The following SATB2 variants were observed in gnomAD, a reference collection of about 807,000 sequenced individuals.
The protein encoded by SATB2 is SATB homeobox 2.
A neutral mutation model predicts 73.4 loss-of-function variants in SATB2; 1 was observed. The observed-to-expected ratio is 0.01, with a 90% confidence interval of 0.00 to 0.06. The LOEUF (loss-of-function observed/expected upper bound fraction) is 0.06, where lower values mean the gene tolerates loss of function less well. Ranked by LOEUF, SATB2 falls within the 10% of genes least tolerant of loss-of-function variation. SATB2 has a pLI of 1.00. For missense variants in SATB2, 459 were observed against 945.8 expected (o/e 0.49, Z 6.75); for synonymous variants, 397 against 367.0 (o/e 1.08, Z -0.93).
intron 7 of SATB2, among the ~76,000 whole-genome samples, chr2:199,330,526 T>C (rs1688159543): frequency 6.6e-6 from 1 of 152,174 alleles, no homozygotes; most frequent in South Asian, 2.1e-4. Context: ...GATGTGTATG[T>C]AAAAATAACC....
At chr2:199,352,357 C>G (rs983224069) in intron 6 of SATB2, among the ~76,000 whole-genome samples, 17 of 152,072 alleles carry the variant, frequency 1.1e-4, no homozygotes, top group African/African-American at 4.1e-4. Context: ...CATTCATAGA[C>G]CTAGTCAAAA....
chr2:199,293,439 G>T (rs975324025), intron 10 of SATB2, among the ~76,000 whole-genome samples: 12 of 151,636 alleles, frequency 7.9e-5, no homozygotes, highest in African/African-American at 1.9e-4. Context: ...TTGACTTGGG[G>T]GCAACAGGAA....
intron 10 of SATB2, among the ~76,000 whole-genome samples, chr2:199,284,178 T>C (rs901205077): frequency 3.9e-5 from 6 of 152,210 alleles, no homozygotes; most frequent in Admixed American, 6.5e-5. Flanking sequence ...TTAACTTTTT[T>C]GATATCAGTG....
At chr2:199,426,856 T>C (rs1455407220) in intron 3 of SATB2, among the ~76,000 whole-genome samples, 2 of 152,128 alleles carry the variant, frequency 1.3e-5, no homozygotes, top group Non-Finnish European at 2.9e-5. Flanking sequence ...GAGACATCTA[T>C]TTATTTAGAG....
intron 7 of SATB2, among the ~76,000 whole-genome samples, chr2:199,340,348 T>C (rs1312568456): frequency 1.3e-5 from 2 of 152,226 alleles, no homozygotes; most frequent in African/African-American, 4.8e-5. Flanking sequence ...AAGACCAGGA[T>C]GCACAGCTTT....
At chr2:199,317,749 A>T in intron 9 of SATB2, among the ~76,000 whole-genome samples, 1 of 151,882 alleles carries the variant, frequency 6.6e-6, no homozygotes, top group Admixed American at 6.6e-5. Context: ...GTCTGAGGAG[A>T]TTCCTTCACT....
At chr2:199,418,227 C>T (rs1456021687) in intron 3 of SATB2, among the ~76,000 whole-genome samples, 2 of 152,160 alleles carry the variant, frequency 1.3e-5, no homozygotes, top group Admixed American at 6.5e-5. Flanking sequence ...GGCAGAGAAT[C>T]GCAGAGCTGG....
rs1277074316 is a variant in SATB2, at chr2:199,341,528, TTCTC to T, written c.1173+7169_1173+7172del. ...TCTGTTTCTGTCTCATTTTTATTCA[TTCTC>T]TCTCTTTCCTCCACATTCAATATCC... On this transcript the variant is annotated intron_variant, in intron 7 of 10. Transcript: ENST00000417098. 7.9e-5 allele frequency among the ~76,000 whole-genome samples: 12 copies of T among 152,212 alleles called. No homozygotes were observed. In the South Asian group the frequency reaches 1.4e-3, roughly 18 times the overall value.
intron 10 of SATB2, among the ~76,000 whole-genome samples, chr2:199,281,851 G>T (rs1037497530): frequency 6.0e-5 from 9 of 150,118 alleles, no homozygotes; most frequent in Admixed American, 1.3e-4. Flanking sequence ...CAGTATCTTT[G>T]TTCTGTGGCG....
At chr2:199,323,776 G>C (rs373557724) in intron 9 of SATB2, 27 bp downstream of exon 9, 4 of 1,611,478 alleles carry the variant, frequency 2.5e-6, no homozygotes, top group Non-Finnish European at 2.5e-6. Context: ...TCCAGCCCTC[G>C]ATTTTGCTTT....
Position 199,433,422 on chromosome 2 carries a change from G to C in SATB2, c.262C>G (p.Arg88Gly). 1 of 1,614,124 alleles carries C rather than the reference G, an allele frequency of 6.2e-7. No individual in the cohort carries two copies. The highest frequency in any genetic ancestry group is 8.5e-7 in the Non-Finnish European group (1 of 1,180,008). ...REEHAEFVLV[R>G]KDVLFSQLVE... ...AGCTGGCTAAAAAGCACATCTTTCCGCACCAGGACAAACTCGGCGTGTTCT... is the reference window on the plus strand; with the variant it reads ...AGCTGGCTAAAAAGCACATCTTTCCCCACCAGGACAAACTCGGCGTGTTCT... Residue 88 changes from arginine (R) to glycine (G), a missense_variant, in exon 3 of 11, where the codon CGG (arginine) becomes GGG (glycine). Arg to Gly is a moderately radical substitution (Grantham distance 125, BLOSUM62 -2). Around this residue, in one of 13 missense-constraint regions of SATB2, gnomAD observed 56 missense variants for 183.7 expected, o/e 0.30. Coordinates refer to ENST00000417098, the MANE Select transcript of SATB2 (RefSeq NM_001172509.2).
At chr2:199,291,610 T>A (rs1288801168) in intron 10 of SATB2, among the ~76,000 whole-genome samples, 3 of 152,108 alleles carry the variant, frequency 2.0e-5, no homozygotes, top group African/African-American at 7.2e-5. Flanking sequence ...ACCTCTATTA[T>A]CATATTAAAA....
At chr2:199,310,176 C>A (rs1037591462) in intron 9 of SATB2, among the ~76,000 whole-genome samples, 1 of 152,202 alleles carries the variant, frequency 6.6e-6, no homozygotes, top group Non-Finnish European at 1.5e-5. Flanking sequence ...GAGACAAAAA[C>A]CCAGGCCCAT....
chr2:199,275,974 T>A (rs2105713426), intron 10 of SATB2, among the ~76,000 whole-genome samples: 1 of 152,328 alleles, frequency 6.6e-6, no homozygotes. Flanking sequence ...CAAAGTTATC[T>A]GTCCTAACTA....
At chr2:199,383,984 T>C (rs1689855524) in intron 3 of SATB2, among the ~76,000 whole-genome samples, 1 of 152,230 alleles carries the variant, frequency 6.6e-6, no homozygotes, top group African/African-American at 2.4e-5. Flanking sequence ...ATACAAATTG[T>C]CAAAATTTAT....
chr2:199,276,238 C>G (rs1182973357), intron 10 of SATB2, among the ~76,000 whole-genome samples: 3 of 152,174 alleles, frequency 2.0e-5, no homozygotes, highest in African/African-American at 7.2e-5. Flanking sequence ...ATCTAAAGGA[C>G]AGAATCAAGT....
intron 7 of SATB2, among the ~76,000 whole-genome samples, chr2:199,333,946 G>A (rs752257258): frequency 2.6e-5 from 4 of 152,292 alleles, no homozygotes; most frequent in Non-Finnish European, 5.9e-5. Context: ...AAGCTAGCTA[G>A]AGACTGTTTT....
rs1692129632 is a variant in SATB2, at chr2:199,270,743, T to C, written c.*1468A>G. ...TTAAACATCCAGTCAGCATTAGTTC[T>C]GCTTTACATAAGGTAATTGCGATGT... is the stretch of plus-strand genomic sequence containing the variant. On this transcript the variant is annotated 3_prime_UTR_variant, in exon 11 of 11. Coordinates refer to ENST00000417098, the MANE Select transcript of SATB2 (RefSeq NM_001172509.2). 6.6e-6 allele frequency: 1 copy of C among 152,394 alleles called. No homozygotes were observed. The highest frequency in any genetic ancestry group is 1.5e-5 in the Non-Finnish European group (1 of 68,040). 9.4% of individuals were successfully genotyped at this position (152,394 alleles called of 1,614,324 possible).
intron 3 of SATB2, among the ~76,000 whole-genome samples, chr2:199,393,414 A>G (rs2105883787): frequency 6.6e-6 from 1 of 152,232 alleles, no homozygotes; most frequent in East Asian, 1.9e-4. Context: ...GTGAGCGCCC[A>G]TACTCTTGGT....
Sources: gnomAD v4.1 joint callset for allele counts (sites outside exome capture counted in the v4.1 genomes callset) on GRCh38, gnomAD v4.1.1 for gene constraint, gnomAD v4.1.1 regional missense constraint, MANE v1.5 for transcripts, NCBI Gene and HGNC (gene_info 2026-07-23, HGNC 2026-07-21) for gene names.